The following SGSM1 variants were observed in gnomAD, a reference collection of about 807,000 sequenced individuals.
The protein encoded by SGSM1 is small G protein signaling modulator 1, also known as RUN and TBC1 domain containing 2.
Under a neutral mutation model 133.8 loss-of-function variants are expected in SGSM1, and 73 were observed. The ratio of observed to expected loss-of-function variants is 0.55; its 90% confidence interval spans 0.45 to 0.66. The LOEUF is 0.66. Ranked by LOEUF, SGSM1 falls within the 30% of genes least tolerant of loss-of-function variation. The pLI is 0.00. For missense variants in SGSM1, 1,213 were observed against 1,448.1 expected, an observed-to-expected ratio of 0.84 and a Z score of 2.64; for synonymous variants, 563 against 573.0, an observed-to-expected ratio of 0.98 and a Z score of 0.25.
intron 12 of SGSM1, among the ~76,000 whole-genome samples, chr22:24,873,062 G>T (rs541828044): frequency 2.0e-4 from 30 of 151,812 alleles, no homozygotes; most frequent in Admixed American, 3.3e-4. Context: ...GGGCTCAGTC[G>T]ATCCTTCCAC....
chr22:24,850,258 C>A, intron 4 of SGSM1, 22 bp from the exon 5 acceptor site: 1 of 1,540,206 alleles, frequency 6.5e-7, no homozygotes. Flanking sequence ...GTATCTATTC[C>A]CGTCTTTTAT....
chr22:24,829,151 G>A (rs112343534), intron 2 of SGSM1, among the ~76,000 whole-genome samples: 26 of 151,880 alleles, frequency 1.7e-4, no homozygotes, highest in Admixed American at 5.2e-4. Flanking sequence ...AGCCGAGATC[G>A]TGCCACTGCA....
intron 9 of SGSM1, among the ~76,000 whole-genome samples, chr22:24,860,922 A>AAAATAT (rs1555926666): frequency 2.7e-5 from 1 of 37,610 alleles, no homozygotes; most frequent in Non-Finnish European, 4.2e-5. Flanking sequence ...AAAAAAAAAA[A>AAAATAT]ATATATATAT....
chr22:24,850,515 C>T lies in SGSM1; in HGVS notation c.455+83C>T, dbSNP rs77762062. ...GGAAATTGCACCCCCTGGCACAAAG[C>T]TGCTTTCTTTTTCCCCTTGACAGCC... On this transcript the variant is annotated intron_variant, in intron 5 of 24. Transcript: ENST00000400358. The T allele has an allele frequency of 5.6e-3, 8,606 of 1,541,136 alleles. 400 individuals are homozygous for T. In the African/African-American group the frequency reaches 0.1, roughly 18 times the overall value.
At chr22:24,904,590 A>AT (rs1432563668) in intron 20 of SGSM1, among the ~76,000 whole-genome samples, 1 of 147,536 alleles carries the variant, frequency 6.8e-6, no homozygotes, top group Non-Finnish European at 1.5e-5. Context: ...AAAAAAAAAA[A>AT]AGAAAAAGAA....
intron 10 of SGSM1, 83 bp from the exon 11 acceptor site, chr22:24,868,293 G>C: frequency 2.0e-6 from 3 of 1,532,222 alleles, no homozygotes; most frequent in Non-Finnish European, 2.6e-6. Flanking sequence ...TGGCACCCCT[G>C]GGGGATGTGC....
At chr22:24,810,300 A>T (rs1927660253) in intron 2 of SGSM1, among the ~76,000 whole-genome samples, 1 of 151,588 alleles carries the variant, frequency 6.6e-6, no homozygotes, top group Non-Finnish European at 1.5e-5. Flanking sequence ...CCCTGCGAGA[A>T]CACCCACCAC....
chr22:24,918,417 T>G (rs988500405), intron 23 of SGSM1, among the ~76,000 whole-genome samples: 2 of 150,530 alleles, frequency 1.3e-5, no homozygotes, highest in Admixed American at 1.3e-4. Context: ...AATCGCTTGA[T>G]CCTGGGAGGC....
chr22:24,806,337 C>T lies in SGSM1; in HGVS notation c.12C>T (p.Ala4=), dbSNP rs1381427419. Residue 4 remains alanine, a synonymous_variant, in exon 1 of 25, where the codon GCC becomes GCT. Coordinates refer to ENST00000400358, the MANE Select transcript of SGSM1 (RefSeq NM_001098497.3). MAS[A]PAEAETRQRL... ...CAGCGCTCGGAGCCATGGCCTCGGC[C>T]CCCGCGGGTAAGAGGCCGCTGGACA... The T allele has an allele frequency of 6.8e-7, 1 of 1,475,932 alleles. No individual in the cohort carries two copies. The allele number at this position is 1,475,932 out of a possible 1,614,324, so 91.4% of individuals were successfully genotyped here. A position where few individuals can be genotyped will look rare whatever the true frequency, so the allele number is the denominator to read the frequency against.
At chr22:24,835,543 AG>A (rs1227635108) in intron 2 of SGSM1, among the ~76,000 whole-genome samples, 1 of 152,070 alleles carries the variant, frequency 6.6e-6, no homozygotes, top group Non-Finnish European at 1.5e-5. Context: ...AGGCAGAAAA[AG>A]GGGTATGTTG....
intron 5 of SGSM1, among the ~76,000 whole-genome samples, chr22:24,852,887 C>G (rs1283035043): frequency 1.3e-5 from 2 of 152,116 alleles, no homozygotes; most frequent in Non-Finnish European, 2.9e-5. Flanking sequence ...AGATTTGACA[C>G]CAAAATGTAC....
chr22:24,820,848 C>A (rs973386832), intron 2 of SGSM1, among the ~76,000 whole-genome samples: 1 of 152,110 alleles, frequency 6.6e-6, no homozygotes, highest in African/African-American at 2.4e-5. Flanking sequence ...AGGGCAGAGG[C>A]GGATAATGAC....
chr22:24,854,931 C>G, intron 5 of SGSM1, 65 bp from the exon 6 acceptor site: 1 of 1,353,188 alleles, frequency 7.4e-7, no homozygotes, highest in Non-Finnish European at 1.0e-6. Context: ...ATTGAACTCT[C>G]ATCTGTGGAT....
At chr22:24,828,676 A>G (rs1928932951) in intron 2 of SGSM1, among the ~76,000 whole-genome samples, 1 of 152,206 alleles carries the variant, frequency 6.6e-6, no homozygotes, top group African/African-American at 2.4e-5. Context: ...TAATTCCTCA[A>G]AGACCTAAAG....
chr22:24,905,024 C>T (rs1424668881), intron 20 of SGSM1, 81 bp from the exon 21 acceptor site: 14 of 1,182,378 alleles, frequency 1.2e-5, no homozygotes, highest in South Asian at 4.9e-5. Flanking sequence ...GATTGGGGAC[C>T]GAAGCAGGAG....
chr22:24,817,212 C>T (rs1468631410), intron 2 of SGSM1, among the ~76,000 whole-genome samples: 1 of 152,130 alleles, frequency 6.6e-6, no homozygotes, highest in African/African-American at 2.4e-5. Context: ...TCCTACAGTC[C>T]CGAGTGCTGC....
chr22:24,889,985 C>T lies in SGSM1; in HGVS notation c.1770+3257C>T, dbSNP rs1408878272. Among the ~76,000 whole-genome samples, 55 of 134,510 alleles carry T rather than the reference C, an allele frequency of 4.1e-4. 1 individual carries two copies. The highest frequency in any genetic ancestry group is 8.0e-5 in the Admixed American group (1 of 12,496). 88.2% of individuals were successfully genotyped at this position (134,510 alleles called of 152,430 possible). A position where few individuals can be genotyped will look rare whatever the true frequency, so the allele number is the denominator to read the frequency against. ...TTTTTTTTTTTTTTTGAGACGGAGT[C>T]TTGCTCTGTCGCCCAGGCTGGAGTG... On this transcript the variant is annotated intron_variant, in intron 16 of 24. Coordinates refer to ENST00000400358, the MANE Select transcript of SGSM1 (RefSeq NM_001098497.3).
chr22:24,890,208 G>A (rs915516807), intron 16 of SGSM1, among the ~76,000 whole-genome samples: 4 of 152,068 alleles, frequency 2.6e-5, no homozygotes, highest in East Asian at 1.9e-4. Context: ...CGCCCGCCTT[G>A]GCCTCCCAAA....
At chr22:24,849,632 A>G (rs1292035161) in intron 4 of SGSM1, among the ~76,000 whole-genome samples, 1 of 152,234 alleles carries the variant, frequency 6.6e-6, no homozygotes, top group African/African-American at 2.4e-5. Context: ...AAAAGTGAGC[A>G]GGGAGCTCAG....
Sources: allele counts gnomAD v4.1 joint callset (sites outside exome capture counted in the v4.1 genomes callset), GRCh38; gene constraint gnomAD v4.1.1; transcripts MANE v1.5; gene names NCBI Gene and HGNC (gene_info 2026-07-23, HGNC 2026-07-21).